The following PPP3CA variants were observed in gnomAD, a reference collection of about 807,000 sequenced individuals.
PPP3CA encodes protein phosphatase 3 catalytic subunit alpha.
In PPP3CA, 14 loss-of-function variants were observed where a neutral mutation model predicts 66.5. The observed-to-expected ratio is 0.21, with a 90% CI of 0.14 to 0.33. PPP3CA has a LOEUF of 0.33. PPP3CA is among the 10% of genes least tolerant of loss of function. The pLI, the probability that PPP3CA is intolerant of heterozygous loss-of-function variation, is 1.00. For missense variants in PPP3CA, 317 were observed against 639.5 expected (o/e 0.50, Z 5.44); for synonymous variants, 232 against 226.2 (o/e 1.03, Z -0.23).
intron 1 of PPP3CA, among the ~76,000 whole-genome samples, chr4:101,246,572 T>C (rs914022742): frequency 1.3e-5 from 2 of 152,166 alleles, no homozygotes; most frequent in African/African-American, 4.8e-5. Flanking sequence ...ACAAGCTATA[T>C]AGGTTAAAGT....
intron 2 of PPP3CA, among the ~76,000 whole-genome samples, chr4:101,133,226 C>CAT (rs1722507222): frequency 1.3e-5 from 2 of 152,140 alleles, no homozygotes; most frequent in Admixed American, 6.5e-5. Context: ...TCCTACTCAA[C>CAT]ATAGTACTGG....
intron 7 of PPP3CA, among the ~76,000 whole-genome samples, chr4:101,082,840 C>A (rs1261668048): frequency 1.3e-5 from 2 of 152,058 alleles, no homozygotes; most frequent in African/African-American, 4.8e-5. Flanking sequence ...ATATTTTCAA[C>A]AAGACTGAAA....
At chr4:101,101,320 T>C (rs1177210333) in intron 3 of PPP3CA, among the ~76,000 whole-genome samples, 2 of 152,154 alleles carry the variant, frequency 1.3e-5, no homozygotes, top group Non-Finnish European at 2.9e-5. Flanking sequence ...TGTACTTACA[T>C]GTTTCAATAA....
intron 1 of PPP3CA, among the ~76,000 whole-genome samples, chr4:101,210,459 T>C (rs1284433626): frequency 6.6e-6 from 1 of 152,188 alleles, no homozygotes; most frequent in Non-Finnish European, 1.5e-5. Flanking sequence ...CAAACTAATA[T>C]TTGTAAAGTG....
chr4:101,094,080 C>T (rs535704964), intron 5 of PPP3CA, among the ~76,000 whole-genome samples, 165 bp from the exon 6 acceptor site: 3 of 152,192 alleles, frequency 2.0e-5, no homozygotes, highest in Non-Finnish European at 2.9e-5. Flanking sequence ...TCTTCCTACT[C>T]GTTTTCCTAT....
chr4:101,303,894 T>C (rs936722824), intron 1 of PPP3CA, among the ~76,000 whole-genome samples: 5 of 152,202 alleles, frequency 3.3e-5, no homozygotes, highest in Non-Finnish European at 7.4e-5. Flanking sequence ...CCACTCATAA[T>C]GTTGAACATA....
chr4:101,141,563 C>T (rs1722808706), intron 2 of PPP3CA, among the ~76,000 whole-genome samples: 1 of 152,042 alleles, frequency 6.6e-6, no homozygotes, highest in Non-Finnish European at 1.5e-5. Flanking sequence ...GAATTATTCC[C>T]CTTAAACATG....
intron 2 of PPP3CA, among the ~76,000 whole-genome samples, chr4:101,123,662 C>A (rs1182935044): frequency 6.6e-6 from 1 of 152,004 alleles, no homozygotes; most frequent in Admixed American, 6.6e-5. Flanking sequence ...GAAACCAGAT[C>A]TCTACAAAAT....
At chr4:101,124,761 AAG>A (rs1560614640) in intron 2 of PPP3CA, among the ~76,000 whole-genome samples, 14 of 128,242 alleles carry the variant, frequency 1.1e-4, no homozygotes, top group African/African-American at 4.3e-4. Context: ...GAAAGAAAGA[AAG>A]AAAGAAAGAA....
chr4:101,321,343 T>G (rs1241661963), intron 1 of PPP3CA, among the ~76,000 whole-genome samples: 1 of 152,144 alleles, frequency 6.6e-6, no homozygotes, highest in Non-Finnish European at 1.5e-5. Flanking sequence ...AAAAAACAGA[T>G]ATAGTTCAGA....
chr4:101,236,813 T>C (rs1382587052), intron 1 of PPP3CA, among the ~76,000 whole-genome samples: 1 of 151,774 alleles, frequency 6.6e-6, no homozygotes, highest in African/African-American at 2.4e-5. Flanking sequence ...TGAAGACTAG[T>C]TGGCAGGGAG....
intron 2 of PPP3CA, among the ~76,000 whole-genome samples, chr4:101,114,776 A>G (rs1283571162): frequency 6.6e-6 from 1 of 152,080 alleles, no homozygotes; most frequent in Non-Finnish European, 1.5e-5. Flanking sequence ...AGTGGTGCCA[A>G]AGACTTTTGA....
At chr4:101,159,997 A>G (rs1723450491) in intron 2 of PPP3CA, among the ~76,000 whole-genome samples, 1 of 152,180 alleles carries the variant, frequency 6.6e-6, no homozygotes, top group African/African-American at 2.4e-5. Flanking sequence ...AAAATAGCCC[A>G]ATAGAAAAAA....
intron 2 of PPP3CA, among the ~76,000 whole-genome samples, chr4:101,152,088 T>A (rs1723162028): frequency 6.6e-6 from 1 of 152,212 alleles, no homozygotes; most frequent in Admixed American, 6.5e-5. Flanking sequence ...AACTTAAGAA[T>A]TTTTTCCGAA....
chr4:101,161,354 C>G (rs966333464), intron 2 of PPP3CA, among the ~76,000 whole-genome samples: 1 of 152,152 alleles, frequency 6.6e-6, no homozygotes. Flanking sequence ...AAGCCTCTCC[C>G]TATCACAATG....
At chr4:101,262,179 A>G (rs1029405173) in intron 1 of PPP3CA, among the ~76,000 whole-genome samples, 5 of 151,990 alleles carry the variant, frequency 3.3e-5, no homozygotes, top group African/African-American at 1.2e-4. Flanking sequence ...CCCTCATTTT[A>G]CTAATAATCA....
intron 1 of PPP3CA, among the ~76,000 whole-genome samples, chr4:101,313,125 AT>A (rs751451248): frequency 2.0e-5 from 3 of 151,102 alleles, no homozygotes; most frequent in African/African-American, 4.9e-5. Flanking sequence ...GTAGGACTGT[AT>A]TTTTTTTTAT....
At chr4:101,193,434 A>T (rs368190237) in intron 2 of PPP3CA, among the ~76,000 whole-genome samples, 7 of 152,200 alleles carry the variant, frequency 4.6e-5, no homozygotes, top group African/African-American at 1.7e-4. Flanking sequence ...TCAAATTAAA[A>T]ATCTGAAACA....
At chr4:101,244,493 C>T (rs1726412350) in intron 1 of PPP3CA, among the ~76,000 whole-genome samples, 5 of 152,132 alleles carry the variant, frequency 3.3e-5, no homozygotes, top group African/African-American at 9.7e-5. Context: ...TTTTAATCAA[C>T]ACCACAGAAT....
Sources: allele counts gnomAD v4.1 joint callset (sites outside exome capture counted in the v4.1 genomes callset), GRCh38; gene constraint gnomAD v4.1.1; transcripts MANE v1.5; gene names NCBI Gene and HGNC (gene_info 2026-07-23, HGNC 2026-07-21).